THSD7A: variants seen among roughly 807,000 people sequenced by gnomAD.
THSD7A encodes thrombospondin type-1 domain-containing protein 7A.
A neutral mutation model predicts 231.3 loss-of-function variants in THSD7A; 96 were observed. The observed-to-expected ratio is 0.41, with a 90% confidence interval of 0.35 to 0.49. THSD7A has a LOEUF of 0.49. Ranked by LOEUF, THSD7A falls within the 20% of genes least tolerant of loss-of-function variation. The probability of loss-of-function intolerance (pLI) is 0.05; values close to 1 mark genes in which losing one functional copy is unlikely to be tolerated. For missense variants in THSD7A, 2,290 were observed against 2,070.2 expected, an observed-to-expected ratio of 1.11 and a Z score of -2.06; for synonymous variants, 940 against 743.3, an observed-to-expected ratio of 1.26 and a Z score of -4.30.
intron 2 of THSD7A, among the ~76,000 whole-genome samples, chr7:11,616,662 G>T (rs1269402898): frequency 6.6e-6 from 1 of 152,098 alleles, no homozygotes; most frequent in Non-Finnish European, 1.5e-5. Context: ...GTGTTCTCCT[G>T]TTCTCACGTT....
At chr7:11,744,766 T>C (rs1782228194) in intron 1 of THSD7A, among the ~76,000 whole-genome samples, 1 of 152,064 alleles carries the variant, frequency 6.6e-6, no homozygotes, top group Non-Finnish European at 1.5e-5. Context: ...ACAAAGGACA[T>C]GAACTCATCC....
intron 5 of THSD7A, among the ~76,000 whole-genome samples, 196 bp from the exon 6 acceptor site, chr7:11,541,827 G>C (rs575253870): frequency 6.6e-6 from 1 of 152,142 alleles, no homozygotes; most frequent in South Asian, 2.1e-4. Context: ...GTGGATTAAC[G>C]AATGGAATGA....
intron 2 of THSD7A, among the ~76,000 whole-genome samples, chr7:11,596,405 T>C (rs575690768): frequency 8.5e-5 from 13 of 152,098 alleles, no homozygotes; most frequent in Non-Finnish European, 1.3e-4. Flanking sequence ...CAACTTACAG[T>C]GGGTCCAGTG....
At chr7:11,453,248 A>T (rs1173467941) in intron 11 of THSD7A, among the ~76,000 whole-genome samples, 1 of 151,996 alleles carries the variant, frequency 6.6e-6, no homozygotes, top group African/African-American at 2.4e-5. Context: ...AGAGCATAAA[A>T]TATAGTTAAA....
At chr7:11,713,682 GCCAGATGAT>G (rs1312987881) in intron 1 of THSD7A, among the ~76,000 whole-genome samples, 6 of 151,176 alleles carry the variant, frequency 4.0e-5, no homozygotes, top group African/African-American at 1.2e-4. Flanking sequence ...TATTAAAGAA[GCCAGATGAT>G]CATGACAGTT....
At chr7:11,388,561 T>C (rs921040710) in intron 23 of THSD7A, among the ~76,000 whole-genome samples, 2 of 152,204 alleles carry the variant, frequency 1.3e-5, no homozygotes, top group African/African-American at 4.8e-5. Flanking sequence ...TTTTATTGCA[T>C]CTATTTGATT....
chr7:11,554,944 G>C (rs1789784413), intron 4 of THSD7A, among the ~76,000 whole-genome samples: 1 of 151,858 alleles, frequency 6.6e-6, no homozygotes, highest in East Asian at 1.9e-4. Flanking sequence ...AAAGTGTGTA[G>C]TGACATTTCC....
chr7:11,661,693 T>C (rs1362167326), intron 1 of THSD7A, among the ~76,000 whole-genome samples: 1 of 150,524 alleles, frequency 6.6e-6, no homozygotes, highest in East Asian at 2.0e-4. Flanking sequence ...TAAGATACAA[T>C]TGAATTAAGA....
chr7:11,790,206 G>A (rs76817184), intron 1 of THSD7A, among the ~76,000 whole-genome samples: 2 of 151,738 alleles, frequency 1.3e-5, no homozygotes, highest in Admixed American at 6.6e-5. Context: ...ATGCTATATT[G>A]TTCAGAAAAT....
chr7:11,543,150 GAAC>G (rs1789226086), intron 4 of THSD7A, 33 bp from the exon 5 acceptor site: 1 of 1,577,832 alleles, frequency 6.3e-7, no homozygotes, highest in African/African-American at 1.4e-5. Context: ...ATTAAAAAAT[GAAC>G]AAAAGGAACA....
intron 19 of THSD7A, chr7:11,410,591 G>C (rs1170300419): frequency 6.6e-6 from 1 of 152,154 alleles, no homozygotes; most frequent in East Asian, 1.9e-4. Context: ...ACTAAGAAAG[G>C]ACAAATACGT....
In THSD7A at chr7:11,474,120, T is replaced by C. The variant is rs1786049598; in HGVS notation, c.2252+214A>G. Among the ~76,000 whole-genome samples, 2 of 152,166 alleles carry C rather than the reference T, an allele frequency of 1.3e-5. No individual in the cohort carries two copies. Among genetic ancestry groups the C allele is most frequent in the Admixed American group, 1.3e-4 (2 of 15,274 alleles). On this transcript the variant is annotated intron_variant, in intron 8 of 27. Coordinates refer to ENST00000423059, the MANE Select transcript of THSD7A (RefSeq NM_015204.3). The surrounding 1 kb of genome is among the most constrained non-coding windows in gnomAD (Gnocchi z 4.1). ...TATAAAACAGAGAGTAGGCACCAGATAGAAAGATTTCTACAGAATTTATGG... is the reference window on the plus strand; with the variant it reads ...TATAAAACAGAGAGTAGGCACCAGACAGAAAGATTTCTACAGAATTTATGG...
At chr7:11,488,539 C>T (rs1357038400) in intron 6 of THSD7A, among the ~76,000 whole-genome samples, 4 of 151,962 alleles carry the variant, frequency 2.6e-5, no homozygotes, top group Non-Finnish European at 5.9e-5. Context: ...TAGAAAGTTT[C>T]CAAGTCAATT....
chr7:11,373,909 A>G lies in THSD7A; in HGVS notation c.*1885T>C, dbSNP rs1227242870. On this transcript the variant is annotated 3_prime_UTR_variant, in exon 28 of 28. Coordinates refer to ENST00000423059, the MANE Select transcript of THSD7A (RefSeq NM_015204.3). ...TGCAATAATGTTGCCTGAAAATGGT[A>G]TTGCTTTTTAATGGCACCTTTTGAG... is the stretch of plus-strand genomic sequence containing the variant. The G allele has an allele frequency of 1.3e-5, 2 of 152,070 alleles. No homozygotes were observed. Among genetic ancestry groups the G allele is most frequent in the East Asian group, 1.9e-4 (1 of 5,190 alleles). 9.4% of individuals were successfully genotyped at this position (152,070 alleles called of 1,614,324 possible). A position where few individuals can be genotyped will look rare whatever the true frequency, so the allele number is the denominator to read the frequency against.
chr7:11,625,938 C>T (rs1248069742), intron 2 of THSD7A, among the ~76,000 whole-genome samples: 1 of 151,956 alleles, frequency 6.6e-6, no homozygotes, highest in African/African-American at 2.4e-5. Context: ...AGCAAGGCTC[C>T]CATAGGAAAC....
rs111990420 is a variant in THSD7A, at chr7:11,610,373, G to C, written c.1023-16871C>G. Among the ~76,000 whole-genome samples the C allele has an allele frequency of 5.3e-5, 8 of 152,174 alleles. 1 individual carries two copies. The highest frequency in any genetic ancestry group is 1.9e-4 in the African/African-American group (8 of 41,540). On this transcript the variant is annotated intron_variant, in intron 2 of 27. Transcript: ENST00000423059. ...AGAAAGATACAATGTACATTCATTT[G>C]ATAAGCATGATGTAGATAACCAAAC...
At chr7:11,534,107 C>T (rs1477192669) in intron 6 of THSD7A, among the ~76,000 whole-genome samples, 1 of 152,148 alleles carries the variant, frequency 6.6e-6, no homozygotes, top group East Asian at 1.9e-4. Flanking sequence ...AGATAGTAAA[C>T]TTTAAGCCTG....
chr7:11,619,328 G>C (rs1781225825), intron 2 of THSD7A, among the ~76,000 whole-genome samples: 1 of 150,590 alleles, frequency 6.6e-6, no homozygotes, highest in Admixed American at 6.6e-5. Flanking sequence ...ATCTTGATAT[G>C]ATTTATGTAT....
chr7:11,517,697 T>A (rs1376377488), intron 6 of THSD7A, among the ~76,000 whole-genome samples: 2 of 152,208 alleles, frequency 1.3e-5, no homozygotes, highest in Non-Finnish European at 2.9e-5. Flanking sequence ...AAGCATATTT[T>A]AAAGCTGCAT....
Sources: allele counts gnomAD v4.1 joint callset (sites outside exome capture counted in the v4.1 genomes callset), GRCh38; gene constraint gnomAD v4.1.1; non-coding constraint Gnocchi (gnomAD v3.1); transcripts MANE v1.5; gene names NCBI Gene and HGNC (gene_info 2026-07-23, HGNC 2026-07-21).